The following MIPOL1 variants were observed in gnomAD, a reference collection of about 807,000 sequenced individuals.
MIPOL1 encodes the protein mirror-image polydactyly gene 1 protein.
MIPOL1 carries 57 observed loss-of-function variants against 60.9 expected under a neutral mutation model. The ratio of observed to expected loss-of-function variants is 0.94; its 90% CI spans 0.76 to 1.17. MIPOL1 has a LOEUF of 1.17. Ranked by LOEUF, MIPOL1 falls within the 50% of genes most tolerant of loss-of-function variation. The pLI, the probability that MIPOL1 is intolerant of heterozygous loss-of-function variation, is 0.00. For missense variants in MIPOL1, 551 were observed against 511.6 expected (o/e 1.08, Z -0.74); for synonymous variants, 179 against 168.8 (o/e 1.06, Z -0.47).
intron 9 of MIPOL1, among the ~76,000 whole-genome samples, chr14:37,309,097 T>C (rs1207040696): frequency 7.0e-6 from 1 of 142,620 alleles, no homozygotes; most frequent in Non-Finnish European, 1.5e-5. Flanking sequence ...GCTTGTTTCT[T>C]GTTATTTTAT....
At chr14:37,199,143 C>A (rs1217858358) in intron 1 of MIPOL1, among the ~76,000 whole-genome samples, 1 of 152,018 alleles carries the variant, frequency 6.6e-6, no homozygotes, top group Non-Finnish European at 1.5e-5. Context: ...TAAAGACATA[C>A]AGAAAAGTGC....
At chr14:37,306,604 A>G (rs922475286) in intron 7 of MIPOL1, among the ~76,000 whole-genome samples, 2 of 151,984 alleles carry the variant, frequency 1.3e-5, no homozygotes, top group Middle Eastern at 3.4e-3. Flanking sequence ...TTCTCACCAC[A>G]TATAACTTCC....
intron 6 of MIPOL1, chr14:37,277,200 A>G (rs1253052886): frequency 6.6e-6 from 1 of 151,292 alleles, no homozygotes; most frequent in Non-Finnish European, 1.5e-5. Context: ...AAATAACAAA[A>G]ATAAAACTTT....
At chr14:37,202,264 C>T (rs1965458093) in intron 1 of MIPOL1, among the ~76,000 whole-genome samples, 1 of 151,870 alleles carries the variant, frequency 6.6e-6, no homozygotes, top group Admixed American at 6.6e-5. Context: ...TTTTTTTAGT[C>T]TTACTTGATT....
intron 10 of MIPOL1, among the ~76,000 whole-genome samples, chr14:37,420,193 TA>T (rs1281249086): frequency 1.3e-5 from 2 of 152,128 alleles, no homozygotes; most frequent in African/African-American, 4.8e-5. Context: ...TATATGCTTA[TA>T]TATGTACAGA....
At chr14:37,454,460 C>G (rs141126661) in intron 11 of MIPOL1, among the ~76,000 whole-genome samples, 44 of 152,326 alleles carry the variant, frequency 2.9e-4, no homozygotes, top group African/African-American at 9.1e-4. Context: ...CTCATAACAG[C>G]TGTGTGAAAT....
chr14:37,284,439 G>A (rs966235833), intron 6 of MIPOL1, among the ~76,000 whole-genome samples: 1 of 152,140 alleles, frequency 6.6e-6, no homozygotes, highest in African/African-American at 2.4e-5. Context: ...CGCCTCCTGA[G>A]TTAATGCCAT....
intron 10 of MIPOL1, among the ~76,000 whole-genome samples, chr14:37,421,931 G>A (rs1037369302): frequency 2.0e-5 from 3 of 151,848 alleles, no homozygotes; most frequent in African/African-American, 7.3e-5. Context: ...AATTGTTGGT[G>A]GTGTCCTACT....
intron 9 of MIPOL1, among the ~76,000 whole-genome samples, chr14:37,348,828 G>GTT (rs10712008): frequency 2.7e-5 from 3 of 113,060 alleles, no homozygotes; most frequent in African/African-American, 1.2e-4. Context: ...TCCTTTTTTT[G>GTT]TTTTTTTTTT....
intron 7 of MIPOL1, among the ~76,000 whole-genome samples, chr14:37,289,995 A>T (rs2084919535): frequency 6.6e-6 from 1 of 152,216 alleles, no homozygotes; most frequent in Admixed American, 6.5e-5. Context: ...CAGCAGGTGA[A>T]TGAATTTCAC....
intron 11 of MIPOL1, among the ~76,000 whole-genome samples, chr14:37,489,096 A>G (rs968794361): frequency 6.6e-6 from 1 of 152,192 alleles, no homozygotes; most frequent in African/African-American, 2.4e-5. Flanking sequence ...AAGTACACCA[A>G]TCAAAAGTAG....
intron 12 of MIPOL1, among the ~76,000 whole-genome samples, chr14:37,513,919 C>G (rs531388506): frequency 1.3e-5 from 2 of 152,228 alleles, no homozygotes; most frequent in Non-Finnish European, 2.9e-5. Flanking sequence ...AGATACCATA[C>G]TGTTTCAGTT....
chr14:37,315,161 CT>C (rs1261362255), intron 9 of MIPOL1, among the ~76,000 whole-genome samples: 1 of 152,040 alleles, frequency 6.6e-6, no homozygotes, highest in Non-Finnish European at 1.5e-5. Flanking sequence ...TGCTCTAAGA[CT>C]TGAAGACTTG....
intron 9 of MIPOL1, among the ~76,000 whole-genome samples, chr14:37,310,217 C>T (rs1476368555): frequency 6.6e-6 from 1 of 151,976 alleles, no homozygotes; most frequent in Non-Finnish European, 1.5e-5. Flanking sequence ...TGTATCTTCA[C>T]AGCTTTGTAA....
At chr14:37,523,102 A>C (rs1359076635) in intron 12 of MIPOL1, among the ~76,000 whole-genome samples, 2 of 152,178 alleles carry the variant, frequency 1.3e-5, no homozygotes, top group African/African-American at 4.8e-5. Context: ...TCAGTGCATC[A>C]AAGATTTATG....
intron 11 of MIPOL1, among the ~76,000 whole-genome samples, chr14:37,454,625 C>T (rs1446071400): frequency 6.6e-6 from 1 of 152,080 alleles, no homozygotes; most frequent in East Asian, 1.9e-4. Context: ...CTGCTGCTGA[C>T]AGTTGATAAT....
Position 37,200,588 on chromosome 14 carries a change from A to G in MIPOL1, c.-199+2484A>G, listed in dbSNP as rs1965075294. 2.0e-5 allele frequency among the ~76,000 whole-genome samples: 3 copies of G among 151,338 alleles called. No homozygotes were observed. In the South Asian group the frequency reaches 6.3e-4, roughly 32 times the overall value. On this transcript the variant is annotated intron_variant, in intron 1 of 12. Transcript: ENST00000684589. ...ACTCAAGTTTAGTTTTACTGTTTAC[A>G]TTGAGTTGGGTTTTGGTTTGTTTAC...
chr14:37,265,807 AT>A (rs1330335715), intron 3 of MIPOL1, among the ~76,000 whole-genome samples: 5 of 152,022 alleles, frequency 3.3e-5, no homozygotes, highest in Non-Finnish European at 7.4e-5. Context: ...GACCTAAAAC[AT>A]TTTTTTTAAA....
At chr14:37,305,224 A>T (rs2086680717) in intron 7 of MIPOL1, among the ~76,000 whole-genome samples, 1 of 151,824 alleles carries the variant, frequency 6.6e-6, no homozygotes, top group Non-Finnish European at 1.5e-5. Flanking sequence ...ATTTTTGTTG[A>T]TTCCTAATCT....
Sources: gnomAD v4.1 joint callset for allele counts (sites outside exome capture counted in the v4.1 genomes callset) on GRCh38, gnomAD v4.1.1 for gene constraint, MANE v1.5 for transcripts, NCBI Gene and HGNC (gene_info 2026-07-23, HGNC 2026-07-21) for gene names.